The following SLIT2 variants were observed in gnomAD, a reference collection of about 807,000 sequenced individuals.
SLIT2 encodes the protein slit guidance ligand 2.
A neutral mutation model predicts 185.7 loss-of-function variants in SLIT2; 41 were observed. That is an observed-to-expected ratio of 0.22 (90% CI 0.17 to 0.29). SLIT2 has a LOEUF of 0.29. SLIT2 is among the 10% of genes least tolerant of loss of function. SLIT2 has a pLI of 1.00. For synonymous variants in SLIT2, 693 were observed against 680.2 expected, an observed-to-expected ratio of 1.02 and a Z score of -0.29; for missense variants, 1,571 against 1,909.0, an observed-to-expected ratio of 0.82 and a Z score of 3.30.
At chr4:20,589,572 C>A in intron 29 of SLIT2, 72 bp from the exon 30 acceptor site, 1 of 1,143,398 alleles carries the variant, frequency 8.7e-7, no homozygotes, top group Non-Finnish European at 1.3e-6. Flanking sequence ...AGACCCATGA[C>A]AATGACACAG....
intron 15 of SLIT2, among the ~76,000 whole-genome samples, chr4:20,527,693 T>G (rs1721419718): frequency 1.3e-5 from 2 of 152,196 alleles, no homozygotes; most frequent in South Asian, 4.2e-4. Context: ...ATTTATAAAA[T>G]TTTACAAAGC....
intron 34 of SLIT2, among the ~76,000 whole-genome samples, chr4:20,614,481 A>G (rs1188051825): frequency 6.6e-6 from 1 of 152,142 alleles, no homozygotes; most frequent in East Asian, 1.9e-4. Context: ...AAGGCTTAAA[A>G]AAAATCATGG....
At chr4:20,370,423 T>C (rs960819931) in intron 4 of SLIT2, among the ~76,000 whole-genome samples, 1 of 152,128 alleles carries the variant, frequency 6.6e-6, no homozygotes, top group Non-Finnish European at 1.5e-5. Context: ...AGGAGAAACA[T>C]CTGGTGCTTT....
chr4:20,377,953 A>G (rs1346507175), intron 4 of SLIT2, among the ~76,000 whole-genome samples: 1 of 152,208 alleles, frequency 6.6e-6, no homozygotes, highest in Non-Finnish European at 1.5e-5. Flanking sequence ...AATCACCATA[A>G]TGGTGGTTTT....
At chr4:20,357,911 AT>A (rs1252435893) in intron 4 of SLIT2, among the ~76,000 whole-genome samples, 1 of 152,112 alleles carries the variant, frequency 6.6e-6, no homozygotes, top group East Asian at 1.9e-4. Flanking sequence ...TATTAATAAC[AT>A]CATATCCATT....
chr4:20,365,294 C>T (rs923030186), intron 4 of SLIT2, among the ~76,000 whole-genome samples: 2 of 152,090 alleles, frequency 1.3e-5, no homozygotes, highest in Non-Finnish European at 2.9e-5. Context: ...AAGAAAAAGT[C>T]CACAGGGAGG....
chr4:20,322,359 A>C (rs937670016), intron 4 of SLIT2, among the ~76,000 whole-genome samples: 1 of 152,108 alleles, frequency 6.6e-6, no homozygotes, highest in African/African-American at 2.4e-5. Flanking sequence ...TCGGTCCAGA[A>C]ACGCAGGACA....
intron 9 of SLIT2, among the ~76,000 whole-genome samples, chr4:20,506,188 A>T (rs944221695): frequency 2.6e-5 from 4 of 152,030 alleles, no homozygotes; most frequent in Non-Finnish European, 4.4e-5. Context: ...TACATGGAAA[A>T]GTCTTTCTTG....
intron 4 of SLIT2, among the ~76,000 whole-genome samples, chr4:20,397,673 A>G (rs1277062749): frequency 6.6e-6 from 1 of 151,966 alleles, no homozygotes; most frequent in East Asian, 1.9e-4. Flanking sequence ...TGCAGTTGCC[A>G]ATAATATCCT....
intron 4 of SLIT2, among the ~76,000 whole-genome samples, chr4:20,447,004 C>T (rs1048430768): frequency 2.0e-5 from 3 of 152,112 alleles, no homozygotes; most frequent in African/African-American, 7.2e-5. Flanking sequence ...TCTAGGAATC[C>T]GTGCTATATG....
chr4:20,553,819 A>G lies in SLIT2; in HGVS notation c.2576A>G (p.Asn859Ser), dbSNP rs750020056. ...SALSHLAIGANPLYCDCNMQW... is the reference protein window; with the variant it reads ...SALSHLAIGASPLYCDCNMQW... ...TGTTTTTCCAGAGCAATTGGAGCCA[A>G]CCCTCTTTACTGTGATTGTAACATG... Residue 859 changes from asparagine to serine, a missense_variant, in exon 26 of 37, where the codon AAC becomes AGC. By Grantham distance (46) the Asn-to-Ser change is conservative. Coordinates refer to ENST00000504154, the MANE Select transcript of SLIT2 (RefSeq NM_004787.4). The G allele has an allele frequency of 1.9e-6, 3 of 1,579,348 alleles. No individual in the cohort carries two copies. Among genetic ancestry groups the G allele is most frequent in the Non-Finnish European group, 1.7e-6 (2 of 1,167,700 alleles).
intron 4 of SLIT2, among the ~76,000 whole-genome samples, chr4:20,462,701 C>A (rs1277264131): frequency 6.6e-6 from 1 of 152,170 alleles, no homozygotes; most frequent in Non-Finnish European, 1.5e-5. Flanking sequence ...TAAAAATCAA[C>A]CCCAATCAAG....
At chr4:20,339,980 C>A (rs1164793157) in intron 4 of SLIT2, among the ~76,000 whole-genome samples, 3 of 152,172 alleles carry the variant, frequency 2.0e-5, no homozygotes, top group Non-Finnish European at 4.4e-5. Context: ...GTTCATAGTT[C>A]ATTACTAATC....
At chr4:20,296,268 T>C (rs1716467888) in intron 4 of SLIT2, among the ~76,000 whole-genome samples, 1 of 152,198 alleles carries the variant, frequency 6.6e-6, no homozygotes, top group African/African-American at 2.4e-5. Flanking sequence ...GAGCAGAATA[T>C]GGCATTAAGC....
chr4:20,311,186 G>A (rs1200413751), intron 4 of SLIT2, among the ~76,000 whole-genome samples: 1 of 152,188 alleles, frequency 6.6e-6, no homozygotes, highest in East Asian at 1.9e-4. Context: ...ATGGTGCCAG[G>A]CCTGAACTCA....
intron 4 of SLIT2, among the ~76,000 whole-genome samples, chr4:20,281,049 C>A (rs570995667): frequency 6.6e-6 from 1 of 151,888 alleles, no homozygotes; most frequent in East Asian, 1.9e-4. Context: ...GTCAGGCTGG[C>A]GTCAAACTTC....
At chr4:20,464,509 C>T (rs1049567209) in intron 4 of SLIT2, among the ~76,000 whole-genome samples, 2 of 152,200 alleles carry the variant, frequency 1.3e-5, no homozygotes, top group Admixed American at 1.3e-4. Flanking sequence ...ACTCCTCCCT[C>T]GGCAGCTCCA....
chr4:20,543,932 A>G (rs191928192), intron 21 of SLIT2, among the ~76,000 whole-genome samples: 6 of 152,180 alleles, frequency 3.9e-5, no homozygotes, highest in Admixed American at 3.3e-4. Flanking sequence ...TCACATAGGG[A>G]TATTCCGAAA....
chr4:20,546,151 G>A (rs1723232228), intron 22 of SLIT2, 52 bp downstream of exon 22: 2 of 942,134 alleles, frequency 2.1e-6, no homozygotes, highest in Non-Finnish European at 3.3e-6. Flanking sequence ...CAGAAAATGG[G>A]GATGGCAAGG....
Sources: allele counts gnomAD v4.1 joint callset (sites outside exome capture counted in the v4.1 genomes callset), GRCh38; gene constraint gnomAD v4.1.1; transcripts MANE v1.5; gene names NCBI Gene and HGNC (gene_info 2026-07-23, HGNC 2026-07-21).